Variants in ADGRL3 observed in about 807,000 individuals in gnomAD.
ADGRL3 encodes calcium-independent alpha-latrotoxin receptor 3.
ADGRL3 carries 62 observed loss-of-function variants against 153.5 expected under a neutral mutation model. That is an observed-to-expected ratio of 0.40 (90% CI 0.33 to 0.50). The LOEUF is 0.50. ADGRL3 is among the 20% of genes least tolerant of loss of function. The probability of loss-of-function intolerance (pLI) is 0.47; values close to 1 mark genes in which losing one functional copy is unlikely to be tolerated. For missense variants in ADGRL3, 1,641 were observed against 1,859.4 expected (o/e 0.88, Z 2.16); for synonymous variants, 710 against 672.5 (o/e 1.06, Z -0.86).
At chr4:61,493,020 T>A (rs1398444886) in intron 2 of ADGRL3, among the ~76,000 whole-genome samples, 1 of 148,930 alleles carries the variant, frequency 6.7e-6, no homozygotes, top group Non-Finnish European at 1.5e-5. Flanking sequence ...AAAAGAAATT[T>A]GTTTGGTGAA....
chr4:61,207,788 T>C (rs1738011072), intron 1 of ADGRL3, among the ~76,000 whole-genome samples: 1 of 152,202 alleles, frequency 6.6e-6, no homozygotes, highest in South Asian at 2.1e-4. Context: ...TTTGCATTTC[T>C]CTAATGTAGG....
Position 61,580,945 on chromosome 4 carries a change from A to C in ADGRL3, c.260-6282A>C, listed in dbSNP as rs772720689. 7.9e-5 allele frequency among the ~76,000 whole-genome samples: 12 copies of C among 152,190 alleles called. No homozygotes were observed. The East Asian group carries it at 1.9e-3, about 25-fold the overall frequency. On this transcript the variant is annotated intron_variant, in intron 4 of 26. Coordinates refer to ENST00000683033, the MANE Select transcript of ADGRL3 (RefSeq NM_001387552.1). ...TCAGTACATCCACATTCAAGAGAAA[A>C]GGGAAGAATACTGGAAGAGTATCAA...
At chr4:61,568,893 T>C (rs1156511573) in intron 4 of ADGRL3, among the ~76,000 whole-genome samples, 1 of 152,166 alleles carries the variant, frequency 6.6e-6, no homozygotes, top group East Asian at 1.9e-4. Context: ...CTATCTTGCC[T>C]TTTCTAGAAC....
chr4:61,763,282 G>A (rs1003355602), intron 8 of ADGRL3, among the ~76,000 whole-genome samples: 1 of 150,362 alleles, frequency 6.7e-6, no homozygotes, highest in African/African-American at 2.5e-5. Context: ...CTGCCTCCCA[G>A]GTTCAAACAA....
chr4:61,266,307 CCTTA>C (rs1276980802), intron 1 of ADGRL3, among the ~76,000 whole-genome samples: 1 of 151,656 alleles, frequency 6.6e-6, no homozygotes, highest in Non-Finnish European at 1.5e-5. Context: ...TTTTTCTATG[CCTTA>C]CTTCTCTTAC....
At chr4:61,391,033 T>C (rs2096796188) in intron 2 of ADGRL3, among the ~76,000 whole-genome samples, 1 of 152,218 alleles carries the variant, frequency 6.6e-6, no homozygotes, top group African/African-American at 2.4e-5. Flanking sequence ...AGTTCATTTA[T>C]CTACCTATTG....
chr4:61,226,467 CAT>C (rs1363010776), intron 1 of ADGRL3, among the ~76,000 whole-genome samples: 4 of 152,104 alleles, frequency 2.6e-5, no homozygotes, highest in Non-Finnish European at 4.4e-5. Flanking sequence ...TTTCTGTGCA[CAT>C]GTGTGGTTAT....
intron 5 of ADGRL3, among the ~76,000 whole-genome samples, chr4:61,643,226 G>T (rs1168938509): frequency 2.0e-5 from 3 of 151,998 alleles, no homozygotes; most frequent in East Asian, 1.9e-4. Flanking sequence ...CAATCATGTT[G>T]TCTGCAAACA....
chr4:61,818,266 A>G (rs2097710840), intron 9 of ADGRL3, among the ~76,000 whole-genome samples: 1 of 152,192 alleles, frequency 6.6e-6, no homozygotes, highest in Admixed American at 6.5e-5. Flanking sequence ...TGCAGGCCCA[A>G]AATTCAATCG....
intron 17 of ADGRL3, among the ~76,000 whole-genome samples, chr4:61,962,434 G>T (rs1420350580): frequency 3.3e-5 from 5 of 151,844 alleles, no homozygotes; most frequent in African/African-American, 1.2e-4. Context: ...TTTCAAGCAG[G>T]ACCCAACCAA....
chr4:61,681,255 T>C (rs1359230629), intron 6 of ADGRL3, among the ~76,000 whole-genome samples: 3 of 152,096 alleles, frequency 2.0e-5, no homozygotes, highest in Admixed American at 2.0e-4. Context: ...TCAGAGTATT[T>C]CTGAGCAAAG....
chr4:61,754,286 T>C (rs948992873), intron 8 of ADGRL3, among the ~76,000 whole-genome samples: 4 of 152,162 alleles, frequency 2.6e-5, no homozygotes, highest in Non-Finnish European at 5.9e-5. Context: ...TATATTTATA[T>C]TGCCTTGAAA....
intron 1 of ADGRL3, among the ~76,000 whole-genome samples, chr4:61,305,487 CTG>C (rs1042898025): frequency 1.3e-5 from 2 of 152,114 alleles, no homozygotes; most frequent in African/African-American, 4.8e-5. Context: ...GTAGGAAACA[CTG>C]GAGTTGGAGG....
At chr4:61,863,823 T>C (rs1388502597) in intron 9 of ADGRL3, among the ~76,000 whole-genome samples, 1 of 152,200 alleles carries the variant, frequency 6.6e-6, no homozygotes, top group Non-Finnish European at 1.5e-5. Context: ...CATTGTTTCA[T>C]AAACATCCAT....
At chr4:61,787,615 A>G (rs756183872) in intron 8 of ADGRL3, among the ~76,000 whole-genome samples, 5 of 152,144 alleles carry the variant, frequency 3.3e-5, no homozygotes, top group Admixed American at 1.3e-4. Context: ...CCGCTAGTTT[A>G]TCAGTACTTG....
At chr4:61,447,796 G>A (rs1005074761) in intron 2 of ADGRL3, among the ~76,000 whole-genome samples, 2 of 152,150 alleles carry the variant, frequency 1.3e-5, no homozygotes, top group African/African-American at 4.8e-5. Context: ...ACACCAAACA[G>A]TTTAAGTCCA....
chr4:61,350,094 G>A (rs2096010086), intron 1 of ADGRL3, among the ~76,000 whole-genome samples: 2 of 152,074 alleles, frequency 1.3e-5, no homozygotes, highest in African/African-American at 4.8e-5. Context: ...TAAGGACTAG[G>A]TGATGTAGAT....
At chr4:61,894,950 T>G (rs557187247) in intron 10 of ADGRL3, among the ~76,000 whole-genome samples, 2 of 152,308 alleles carry the variant, frequency 1.3e-5, no homozygotes, top group African/African-American at 4.8e-5. Context: ...TTTTCTACTT[T>G]CATTAAATAC....
chr4:61,646,589 G>GGAGGTCA (rs2093997899), intron 5 of ADGRL3, among the ~76,000 whole-genome samples: 1 of 151,474 alleles, frequency 6.6e-6, no homozygotes, highest in Non-Finnish European at 1.5e-5. Flanking sequence ...TAGGCTGTTC[G>GGAGGTCA]GGGGTCAGGG....
Sources: gnomAD v4.1 joint callset for allele counts (sites outside exome capture counted in the v4.1 genomes callset) on GRCh38, gnomAD v4.1.1 for gene constraint, MANE v1.5 for transcripts, NCBI Gene and HGNC (gene_info 2026-07-23, HGNC 2026-07-21) for gene names.